SGK3: variants seen among roughly 807,000 people sequenced by gnomAD.
SGK3 encodes the protein serum/glucocorticoid regulated kinase family member 3, also known as serine/threonine-protein kinase Sgk3.
A neutral mutation model predicts 68.5 loss-of-function variants in SGK3; 47 were observed. That is an observed-to-expected ratio of 0.69 (90% CI 0.54 to 0.87). The LOEUF (loss-of-function observed/expected upper bound fraction) is 0.87, where lower values mean the gene tolerates loss of function less well. Ranked by LOEUF, SGK3 falls within the 40% of genes least tolerant of loss-of-function variation. The pLI is 0.00. For missense variants in SGK3, 479 were observed against 575.5 expected (o/e 0.83, Z 1.72); for synonymous variants, 181 against 189.1 (o/e 0.96, Z 0.35).
At chr8:66,757,647 G>A (rs1354200280) in intron 1 of SGK3, among the ~76,000 whole-genome samples, 1 of 151,816 alleles carries the variant, frequency 6.6e-6, no homozygotes, top group Admixed American at 6.6e-5. Flanking sequence ...AGGTGCAGTG[G>A]CTCACACCTG....
At chr8:66,854,975 C>G (rs1487497242) in intron 16 of SGK3, among the ~76,000 whole-genome samples, 1 of 151,926 alleles carries the variant, frequency 6.6e-6, no homozygotes, top group Non-Finnish European at 1.5e-5. Flanking sequence ...ATGGCAAGAC[C>G]CTGTCTCTAA....
intron 4 of SGK3, among the ~76,000 whole-genome samples, chr8:66,812,457 T>C (rs1808415933): frequency 6.6e-6 from 1 of 151,652 alleles, no homozygotes; most frequent in Non-Finnish European, 1.5e-5. Context: ...CTCGGGAGGC[T>C]GAGGCAGGAG....
At chr8:66,785,705 A>G (rs923341059) in intron 1 of SGK3, among the ~76,000 whole-genome samples, 1 of 152,174 alleles carries the variant, frequency 6.6e-6, no homozygotes, top group Non-Finnish European at 1.5e-5. Context: ...CGTTCCTCCT[A>G]AGATTTGGCT....
chr8:66,788,583 G>A (rs966780178), intron 1 of SGK3, among the ~76,000 whole-genome samples: 2 of 152,170 alleles, frequency 1.3e-5, no homozygotes, highest in African/African-American at 4.8e-5. Context: ...CTCTTGGAAT[G>A]GGCTTCAGTA....
intron 1 of SGK3, chr8:66,775,202 C>G (rs1037090667): frequency 6.6e-6 from 1 of 152,350 alleles, no homozygotes; most frequent in South Asian, 2.1e-4. Context: ...GTTTGGCCCC[C>G]GCAGGGAGCG....
chr8:66,846,255 C>T (rs1810009118), intron 14 of SGK3, among the ~76,000 whole-genome samples: 1 of 152,170 alleles, frequency 6.6e-6, no homozygotes, highest in African/African-American at 2.4e-5. Flanking sequence ...GCATGATAAT[C>T]TTCTTTCCTC....
intron 5 of SGK3, among the ~76,000 whole-genome samples, chr8:66,815,881 C>T (rs774728034): frequency 4.6e-5 from 7 of 152,166 alleles, no homozygotes; most frequent in Non-Finnish European, 1.5e-5. Flanking sequence ...CTGTGAAATA[C>T]ACAGTTCTTG....
intron 4 of SGK3, among the ~76,000 whole-genome samples, chr8:66,808,880 A>T (rs1318286644): frequency 3.4e-5 from 5 of 147,724 alleles, no homozygotes; most frequent in South Asian, 2.1e-4. Flanking sequence ...TTATTTATTT[A>T]TTTTTTGAGA....
chr8:66,789,123 G>GAA (rs35284393), intron 1 of SGK3, among the ~76,000 whole-genome samples: 1,338 of 126,566 alleles, frequency 0.011, 13 homozygotes, highest in African/African-American at 0.034. Flanking sequence ...ATTTTATTCA[G>GAA]AAAAAAAAAA....
At chr8:66,743,892 A>G (rs1374131169) in intron 1 of SGK3, among the ~76,000 whole-genome samples, 2 of 152,344 alleles carry the variant, frequency 1.3e-5, no homozygotes, top group African/African-American at 4.8e-5. Context: ...AGTCAAATCT[A>G]GCAGACTGGA....
intron 1 of SGK3, among the ~76,000 whole-genome samples, chr8:66,729,032 A>T (rs1242486014): frequency 6.6e-6 from 1 of 151,898 alleles, no homozygotes; most frequent in Non-Finnish European, 1.5e-5. Context: ...ATCCTGGCTA[A>T]GACAGTGAAA....
At chr8:66,853,605 A>G (rs1810386034) in intron 16 of SGK3, among the ~76,000 whole-genome samples, 1 of 152,216 alleles carries the variant, frequency 6.6e-6, no homozygotes, top group South Asian at 2.1e-4. Flanking sequence ...TGCATAAAGT[A>G]TTTACTTCAA....
intron 1 of SGK3, among the ~76,000 whole-genome samples, chr8:66,786,420 T>C (rs1274552343): frequency 1.3e-5 from 2 of 152,206 alleles, no homozygotes; most frequent in African/African-American, 4.8e-5. Context: ...AGCAACCAGA[T>C]TGGCACATGT....
At chr8:66,851,271 T>C (rs1021384919) in intron 16 of SGK3, among the ~76,000 whole-genome samples, 2 of 152,072 alleles carry the variant, frequency 1.3e-5, no homozygotes, top group African/African-American at 4.8e-5. Context: ...CCCAGCACTT[T>C]GGGAGGCCGA....
In SGK3 at chr8:66,795,476, G is replaced by A. The variant is rs191895915; in HGVS notation, c.96+1644G>A. ...GAATAAAATGGTAGAGTGTGTGAAA[G>A]TTTTTCTTCCTTCCTTCCCTCTCCT... On this transcript the variant is annotated intron_variant, in intron 2 of 16. Transcript: ENST00000521198. 4.6e-5 allele frequency among the ~76,000 whole-genome samples: 7 copies of A among 152,318 alleles called. No individual in the cohort carries two copies. In the East Asian group the frequency reaches 1.3e-3, roughly 29 times the overall value.
chr8:66,787,829 A>G (rs1442824224), intron 1 of SGK3, among the ~76,000 whole-genome samples: 5 of 152,160 alleles, frequency 3.3e-5, no homozygotes, highest in African/African-American at 9.7e-5. Context: ...ATAATTTTCC[A>G]ATCTTGTTCT....
At chr8:66,776,724 C>T (rs1184069290) in intron 1 of SGK3, among the ~76,000 whole-genome samples, 1 of 152,132 alleles carries the variant, frequency 6.6e-6, no homozygotes, top group East Asian at 1.9e-4. Flanking sequence ...CTTTCCTTTC[C>T]AGCACTATCC....
At chr8:66,755,668 A>G (rs1227378455) in intron 1 of SGK3, among the ~76,000 whole-genome samples, 1 of 152,164 alleles carries the variant, frequency 6.6e-6, no homozygotes, top group African/African-American at 2.4e-5. Context: ...TGACCCCAGT[A>G]TGTCAGGCAC....
intron 1 of SGK3, among the ~76,000 whole-genome samples, chr8:66,775,820 C>T (rs895768872): frequency 1.3e-5 from 2 of 151,434 alleles, no homozygotes; most frequent in Non-Finnish European, 2.9e-5. Flanking sequence ...GGGAGTGTAT[C>T]TTGGAGATGA....
Sources: gnomAD v4.1 joint callset for allele counts (sites outside exome capture counted in the v4.1 genomes callset) on GRCh38, gnomAD v4.1.1 for gene constraint, MANE v1.5 for transcripts, NCBI Gene and HGNC (gene_info 2026-07-23, HGNC 2026-07-21) for gene names.